ADAMTSL1: variants seen among roughly 807,000 people sequenced by gnomAD.
ADAMTSL1 encodes ADAMTS like 1.
Under a neutral mutation model 201.8 loss-of-function variants are expected in ADAMTSL1, and 126 were observed. The observed-to-expected ratio is 0.62, with a 90% CI of 0.54 to 0.72. ADAMTSL1 has a LOEUF of 0.72. Among genes scored for constraint, ADAMTSL1 ranks in the 30% least tolerant of loss-of-function variants. The pLI, the probability that ADAMTSL1 is intolerant of heterozygous loss-of-function variation, is 0.00. For missense variants in ADAMTSL1, 2,679 were observed against 2,277.8 expected (o/e 1.18, Z -3.59); for synonymous variants, 1,121 against 903.4 (o/e 1.24, Z -4.32).
chr9:18,134,284 A>C (rs1826068387), intron 1 of ADAMTSL1, among the ~76,000 whole-genome samples: 1 of 152,162 alleles, frequency 6.6e-6, no homozygotes, highest in South Asian at 2.1e-4. Context: ...GCTGCTACTT[A>C]TTTGAACTTC....
intron 9 of ADAMTSL1, among the ~76,000 whole-genome samples, chr9:18,675,181 A>G (rs573940822): frequency 1.2e-4 from 18 of 152,184 alleles, no homozygotes; most frequent in Non-Finnish European, 2.6e-4. Context: ...ACAATATTTT[A>G]TAGACCACAA....
At chr9:17,915,166 C>T (rs1014560424) in intron 1 of ADAMTSL1, among the ~76,000 whole-genome samples, 2 of 152,140 alleles carry the variant, frequency 1.3e-5, no homozygotes, top group Non-Finnish European at 1.5e-5. Flanking sequence ...TTACCCTTTG[C>T]AATGTCTTCC....
At chr9:18,908,152 G>C (rs1041059369) in intron 28 of ADAMTSL1, 10 of 430,204 alleles carry the variant, frequency 2.3e-5, no homozygotes, top group African/African-American at 2.0e-4. Context: ...GAGAAAACAG[G>C]CACCTTCAGG....
At chr9:18,372,740 G>T (rs889883254) in intron 2 of ADAMTSL1, among the ~76,000 whole-genome samples, 1 of 152,178 alleles carries the variant, frequency 6.6e-6, no homozygotes, top group Non-Finnish European at 1.5e-5. Context: ...AGATAATACA[G>T]TAATGAAGGC....
At chr9:17,914,076 G>T (rs185448555) in intron 1 of ADAMTSL1, among the ~76,000 whole-genome samples, 18 of 152,226 alleles carry the variant, frequency 1.2e-4, no homozygotes, top group Admixed American at 1.2e-3. Context: ...ATTCACAGCC[G>T]AATTCTATCA....
rs58637244 is a variant in ADAMTSL1 at position 18,568,216 on chromosome 9, A to G, written c.238-5814A>G. On this transcript the variant is annotated intron_variant, in intron 3 of 28. Coordinates refer to ENST00000380548, the MANE Select transcript of ADAMTSL1 (RefSeq NM_001040272.6). ...AAACACTGATTTTTTTTTTCCGAGA[A>G]CAAAATATAGTACATTGGATTTTAT... Among the ~76,000 whole-genome samples, 742 of 152,248 alleles carry G rather than the reference A, an allele frequency of 4.9e-3. 9 individuals carry two copies. The highest frequency in any genetic ancestry group is 0.017 in the African/African-American group (704 of 41,542).
chr9:18,327,381 G>A (rs1243097748), intron 2 of ADAMTSL1, among the ~76,000 whole-genome samples: 4 of 152,184 alleles, frequency 2.6e-5, no homozygotes, highest in Non-Finnish European at 5.9e-5. Flanking sequence ...CAGGCCCTAT[G>A]GGCATACTTT....
intron 1 of ADAMTSL1, among the ~76,000 whole-genome samples, chr9:18,126,643 C>A (rs911904040): frequency 6.6e-6 from 1 of 152,092 alleles, no homozygotes; most frequent in Non-Finnish European, 1.5e-5. Context: ...TAATTTTGAA[C>A]TATTATTATA....
intron 2 of ADAMTSL1, among the ~76,000 whole-genome samples, chr9:18,288,089 C>A (rs1472824970): frequency 6.6e-6 from 1 of 151,996 alleles, no homozygotes; most frequent in African/African-American, 2.4e-5. Context: ...GATGACAAAC[C>A]AGGATGGGCA....
chr9:18,490,052 A>T (rs1272620689), intron 1 of ADAMTSL1, among the ~76,000 whole-genome samples: 1 of 152,128 alleles, frequency 6.6e-6, no homozygotes, highest in Non-Finnish European at 1.5e-5. Flanking sequence ...TCTGGAGTCT[A>T]CTCAAGGACC....
chr9:18,353,448 C>A (rs1836066136), intron 2 of ADAMTSL1, among the ~76,000 whole-genome samples: 1 of 152,158 alleles, frequency 6.6e-6, no homozygotes, highest in South Asian at 2.1e-4. Flanking sequence ...TCGTGGACAT[C>A]CATAATATTT....
intron 1 of ADAMTSL1, among the ~76,000 whole-genome samples, chr9:17,965,802 C>G (rs1817959504): frequency 6.6e-6 from 1 of 152,142 alleles, no homozygotes; most frequent in African/African-American, 2.4e-5. Flanking sequence ...TATGAGGATG[C>G]TAGATTGCTT....
intron 12 of ADAMTSL1, among the ~76,000 whole-genome samples, chr9:18,682,200 T>C (rs1830544500): frequency 6.6e-6 from 1 of 152,228 alleles, no homozygotes; most frequent in African/African-American, 2.4e-5. Context: ...AGTCATAAAG[T>C]TGTTTGAGGA....
At chr9:18,775,985 G>A in intron 18 of ADAMTSL1, 89 bp downstream of exon 18, 1 of 1,485,122 alleles carries the variant, frequency 6.7e-7, no homozygotes, top group Non-Finnish European at 9.1e-7. Context: ...CTAAACTCAA[G>A]ACCTGTGGGA....
intron 15 of ADAMTSL1, among the ~76,000 whole-genome samples, chr9:18,747,952 T>C (rs186479641): frequency 1.4e-4 from 22 of 152,304 alleles, no homozygotes; most frequent in Non-Finnish European, 3.1e-4. Flanking sequence ...CACTTGAGGC[T>C]GGGCAAAGGG....
chr9:18,474,060 C>T (rs756090965), upstream of ADAMTSL1: 31 of 573,918 alleles, frequency 5.4e-5, no homozygotes, highest in Non-Finnish European at 8.0e-5. Context: ...TTCCATTCAG[C>T]TTACCCCCCA....
intron 2 of ADAMTSL1, among the ~76,000 whole-genome samples, chr9:18,276,833 C>T (rs1371601572): frequency 1.3e-5 from 2 of 152,092 alleles, no homozygotes; most frequent in Non-Finnish European, 2.9e-5. Context: ...CATGGAAGAC[C>T]CACCCCCAGG....
intron 7 of ADAMTSL1, among the ~76,000 whole-genome samples, chr9:18,645,950 A>C (rs78368696): frequency 0.055 from 8,266 of 150,692 alleles, 288 homozygotes; most frequent in Middle Eastern, 0.12. Flanking sequence ...CTTGATGGGG[A>C]TGGCATTGAA....
intron 2 of ADAMTSL1, among the ~76,000 whole-genome samples, chr9:18,207,392 T>C (rs138340900): frequency 1.3e-5 from 2 of 152,242 alleles, no homozygotes; most frequent in African/African-American, 4.8e-5. Context: ...AAGCCTTAGG[T>C]TCAGTAACTT....
Sources: allele counts gnomAD v4.1 joint callset (sites outside exome capture counted in the v4.1 genomes callset), GRCh38; gene constraint gnomAD v4.1.1; transcripts MANE v1.5; gene names NCBI Gene and HGNC (gene_info 2026-07-23, HGNC 2026-07-21).